PCDHGB6: variants seen among roughly 807,000 people sequenced by gnomAD.
PCDHGB6 encodes protocadherin gamma subfamily B, 6.
PCDHGB6 carries 51 observed loss-of-function variants against 59.1 expected under a neutral mutation model. That is an observed-to-expected ratio of 0.86 (90% confidence interval 0.69 to 1.09). The LOEUF (loss-of-function observed/expected upper bound fraction) is 1.09. Among genes scored for constraint, PCDHGB6 ranks in the 50% least tolerant of loss-of-function variants. The pLI, the probability that PCDHGB6 is intolerant of heterozygous loss-of-function variation, is 0.00. For synonymous variants in PCDHGB6, 466 were observed against 495.1 expected (o/e 0.94, Z 0.78); for missense variants, 1,148 against 1,205.1 (o/e 0.95, Z 0.70).
chr5:141,491,311 A>G lies in PCDHGB6; in HGVS notation c.2419-3496A>G. On this transcript the variant is annotated intron_variant, in intron 1 of 3. Transcript: ENST00000520790. This position sits in a 1 kb window ranked among gnomAD's most constrained non-coding sequence, Gnocchi z 6.9. The stretch of plus-strand genomic sequence containing the variant: ...ACACCCTCCTGAGCGTTCAGACCTT[A>G]CCCTTTACCTCATTGTGGCTCTAGC... 1 of 1,613,932 alleles carries G rather than the reference A, an allele frequency of 6.2e-7. No homozygotes were observed. Among genetic ancestry groups the G allele is most frequent in the Non-Finnish European group, 8.5e-7 (1 of 1,179,940 alleles).
rs558944208 is a variant in PCDHGB6, at chr5:141,478,187, A to G, written c.2419-16620A>G. On this transcript the variant is annotated intron_variant, in intron 1 of 3. Coordinates refer to ENST00000520790, the MANE Select transcript of PCDHGB6 (RefSeq NM_018926.3). ...CCCCCGGGAGCAGAAAAAAAATCTC[A>G]CCTTTTATCTACTTCTTTCTCTAAT... is the stretch of plus-strand genomic sequence containing the variant. The G allele has an allele frequency of 2.9e-5, 46 of 1,613,548 alleles. No individual in the cohort carries two copies. The highest frequency in any genetic ancestry group is 3.9e-5 in the Non-Finnish European group (46 of 1,179,954).
At chr5:141,422,318 G>A (rs778935746) in intron 1 of PCDHGB6, 10 of 1,548,110 alleles carry the variant, frequency 6.5e-6, no homozygotes, top group Non-Finnish European at 7.8e-6. Context: ...TCTCCTCCAG[G>A]TACAGTGATT....
At chr5:141,497,691 C>T (rs2099778682) in intron 2 of PCDHGB6, among the ~76,000 whole-genome samples, 1 of 152,066 alleles carries the variant, frequency 6.6e-6, no homozygotes, top group African/African-American at 2.4e-5. Flanking sequence ...AGGTGTGCAC[C>T]ACCACACCCA....
At chr5:141,450,006 CTTTTTT>C (rs1554136305) in intron 1 of PCDHGB6, among the ~76,000 whole-genome samples, 7,115 of 132,964 alleles carry the variant, frequency 0.054, 434 homozygotes, top group African/African-American at 0.14. Flanking sequence ...TGCCATGTCT[CTTTTTT>C]TTTTTTTTTT....
intron 1 of PCDHGB6, among the ~76,000 whole-genome samples, chr5:141,459,534 T>G (rs980917458): frequency 1.3e-5 from 2 of 151,990 alleles, no homozygotes; most frequent in African/African-American, 2.4e-5. Flanking sequence ...TGTAGGCATA[T>G]TTTTTTTATT....
chr5:141,420,308 T>C (rs1486910909), intron 1 of PCDHGB6: 3 of 1,457,838 alleles, frequency 2.1e-6, no homozygotes, highest in Non-Finnish European at 9.2e-7. Context: ...ATCCTTTTTA[T>C]ATTACAATAT....
chr5:141,442,894 C>T (rs1173211061), intron 1 of PCDHGB6, among the ~76,000 whole-genome samples: 1 of 152,204 alleles, frequency 6.6e-6, no homozygotes, highest in Non-Finnish European at 1.5e-5. Flanking sequence ...CCCTGCTTAT[C>T]ACTTCTCCTT....
intron 1 of PCDHGB6, among the ~76,000 whole-genome samples, chr5:141,452,353 AG>A (rs556616398): frequency 5.9e-5 from 9 of 152,206 alleles, no homozygotes; most frequent in Non-Finnish European, 1.3e-4. Context: ...TTTATCCAAA[AG>A]CCTTGCTTCA....
At chr5:141,414,570 C>G (rs1253876890) in intron 1 of PCDHGB6, 13 of 1,613,862 alleles carry the variant, frequency 8.1e-6, no homozygotes, top group Non-Finnish European at 1.0e-5. Flanking sequence ...TTACCTATAT[C>G]CCAGAGAACA....
chr5:141,478,724 G>T, intron 1 of PCDHGB6: 2 of 1,542,774 alleles, frequency 1.3e-6, no homozygotes, highest in Non-Finnish European at 1.8e-6. Context: ...TGGCCTGCCA[G>T]AGTGTGGTTT....
chr5:141,423,159 G>A lies in PCDHGB6; in HGVS notation c.2418+12539G>A, dbSNP rs750186629. On this transcript the variant is annotated intron_variant, in intron 1 of 3. Transcript: ENST00000520790. Reference sequence around the variant, plus strand: ...GAGACGCGCTCAAGCAGAGCCTCGTGGTGGCCGTCCAGGACCACGGCCAGC... The same window carrying A: ...GAGACGCGCTCAAGCAGAGCCTCGTAGTGGCCGTCCAGGACCACGGCCAGC... The A allele has an allele frequency of 1.9e-5, 31 of 1,610,746 alleles. 1 individual carries two copies. The highest frequency in any genetic ancestry group is 3.3e-4 in the Middle Eastern group (2 of 6,080).
chr5:141,447,161 C>T (rs1432238455), intron 1 of PCDHGB6, among the ~76,000 whole-genome samples: 1 of 151,728 alleles, frequency 6.6e-6, no homozygotes, highest in East Asian at 1.9e-4. Flanking sequence ...TTTGTTTAAG[C>T]GGGGTCTTGC....
At chr5:141,419,096 G>T in intron 1 of PCDHGB6, 9 of 1,613,918 alleles carry the variant, frequency 5.6e-6, no homozygotes, top group Non-Finnish European at 7.6e-6. Context: ...CCTGGATCGG[G>T]AGCAGACCCC....
chr5:141,476,565 C>T lies in PCDHGB6; in HGVS notation c.2419-18242C>T. 6.2e-7 allele frequency: 1 copy of T among 1,614,184 alleles called. No individual in the cohort carries two copies. Among genetic ancestry groups the T allele is most frequent in the Non-Finnish European group, 8.5e-7 (1 of 1,180,034 alleles). On this transcript the variant is annotated intron_variant, in intron 1 of 3. Coordinates refer to ENST00000520790, the MANE Select transcript of PCDHGB6 (RefSeq NM_018926.3). This position sits in a 1 kb window ranked among gnomAD's most constrained non-coding sequence, Gnocchi z 7.6. ...TTGGAGATTAGCGAGGCCGTGGCTC[C>T]GGGGACGCGCTTTCCGCTCGAGAGC...
At chr5:141,413,124 AAC>A in intron 1 of PCDHGB6, 2 of 1,528,020 alleles carry the variant, frequency 1.3e-6, no homozygotes, top group Non-Finnish European at 1.8e-6. Flanking sequence ...AACCGGTTGA[AAC>A]ACACAACGTG....
Position 141,485,267 on chromosome 5 carries a change from C to T in PCDHGB6, c.2419-9540C>T, listed in dbSNP as rs767229426. On this transcript the variant is annotated intron_variant, in intron 1 of 3. Transcript: ENST00000520790. This position sits in a 1 kb window ranked among gnomAD's most constrained non-coding sequence, Gnocchi z 5.7. ...CCTGGGTTACGTTTGTGGGCAGATC[C>T]GCTACCCGGTCCCAGAGGAGTCACA... is the stretch of plus-strand genomic sequence containing the variant. 6.2e-7 allele frequency: 1 copy of T among 1,614,088 alleles called. No homozygotes were observed. Among genetic ancestry groups the T allele is most frequent in the South Asian group, 1.1e-5 (1 of 91,082 alleles).
intron 1 of PCDHGB6, among the ~76,000 whole-genome samples, chr5:141,458,890 C>A (rs369529373): frequency 2.0e-5 from 3 of 152,042 alleles, no homozygotes; most frequent in African/African-American, 7.2e-5. Flanking sequence ...GCACACCATG[C>A]GCAGCTAATT....
chr5:141,461,595 A>C (rs2099018386), intron 1 of PCDHGB6, among the ~76,000 whole-genome samples: 1 of 152,144 alleles, frequency 6.6e-6, no homozygotes, highest in East Asian at 1.9e-4. Flanking sequence ...TATTTCCATT[A>C]TAATTTAGTT....
At chr5:141,472,786 G>A (rs549389294) in intron 1 of PCDHGB6, among the ~76,000 whole-genome samples, 1 of 151,888 alleles carries the variant, frequency 6.6e-6, no homozygotes, top group Non-Finnish European at 1.5e-5. Flanking sequence ...GGGAGTTCAA[G>A]ATCAGCCTGA....
Sources: allele counts gnomAD v4.1 joint callset (sites outside exome capture counted in the v4.1 genomes callset), GRCh38; gene constraint gnomAD v4.1.1; non-coding constraint Gnocchi (gnomAD v3.1); transcripts MANE v1.5; gene names NCBI Gene and HGNC (gene_info 2026-07-23, HGNC 2026-07-21).